Variants in ADPRS observed in about 807,000 individuals in gnomAD.
ADPRS encodes ADP-ribosylhydrolase ARH3.
Under a neutral mutation model 32.1 loss-of-function variants are expected in ADPRS, and 25 were observed. The ratio of observed to expected loss-of-function variants is 0.78; its 90% confidence interval spans 0.57 to 1.09. ADPRS has a LOEUF of 1.09. Among genes scored for constraint, ADPRS ranks in the 50% least tolerant of loss-of-function variants. The pLI, the probability that ADPRS is intolerant of heterozygous loss-of-function variation, is 0.00. For missense variants in ADPRS, 482 were observed against 480.6 expected (o/e 1.00, Z -0.03); for synonymous variants, 225 against 201.0 (o/e 1.12, Z -1.01).
chr1:36,091,936 A>G lies in ADPRS; in HGVS notation c.543A>G (p.Thr181=), dbSNP rs751687994. ...TTGCCCGGCTCTCGGCCCAGCTGAC[A>G]CACGCCTCCTCCCTGGGTTACAATG... ...QKFARLSAQL[T]HASSLGYNGA... is the part of the protein sequence containing the mutation. The change falls in exon 4 of 6, where the codon ACA becomes ACG. Residue 181 remains threonine, a synonymous_variant. Transcript: ENST00000373178. The G allele has an allele frequency of 1.1e-5, 18 of 1,608,312 alleles. No individual in the cohort carries two copies. The highest frequency in any genetic ancestry group is 1.6e-4 in the Middle Eastern group (1 of 6,066).
rs779917237 is a variant in ADPRS at position 36,092,035 on chromosome 1, A to G, written c.642A>G (p.Gln214=). Reference sequence around the variant, plus strand: ...CTTCCAGCGAGCACTTTCTCAAGCAACTCCTGGGCCACATGGAGGATCTGG... The same window carrying G: ...CTTCCAGCGAGCACTTTCTCAAGCAGCTCCTGGGCCACATGGAGGATCTGG... The part of the protein sequence containing the change: ...GESSSEHFLK[Q]LLGHMEDLEG... The change falls in exon 4 of 6, where the codon CAA becomes CAG. Residue 214 remains glutamine, a synonymous_variant. Transcript: ENST00000373178. The G allele has an allele frequency of 1.2e-6, 2 of 1,613,444 alleles. No individual in the cohort carries two copies. The highest frequency in any genetic ancestry group is 1.1e-5 in the South Asian group (1 of 90,998).
chr1:36,093,030 C>A, intron 5 of ADPRS, 67 bp from the exon 6 acceptor site: 1 of 1,539,714 alleles, frequency 6.5e-7, no homozygotes, highest in South Asian at 1.2e-5. Context: ...GCCGAGAGTG[C>A]TGACTTGTGT....
rs1643486015 is a variant in ADPRS, at chr1:36,091,691, C to T, written c.382C>T (p.Leu128=). 1 of 1,613,928 alleles carries T rather than the reference C, an allele frequency of 6.2e-7. No individual in the cohort carries two copies. Among genetic ancestry groups the T allele is most frequent in the Non-Finnish European group, 8.5e-7 (1 of 1,179,946 alleles). ...AGTAGTCACTGTCTTCAAGAAGCTC[C>T]TGAACCCCAAATGTCGCGATGTCTT... ...AGVVTVFKKL[L]NPKCRDVFEP... is the part of the protein sequence containing the mutation. Residue 128 remains leucine, a synonymous_variant, in exon 3 of 6, where the codon CTG becomes TTG. Transcript: ENST00000373178.
chr1:36,091,199 A>C lies in ADPRS; in HGVS notation c.212-45A>C, dbSNP rs1454870266. On this transcript the variant is annotated intron_variant, in intron 1 of 5. Coordinates refer to ENST00000373178, the MANE Select transcript of ADPRS (RefSeq NM_017825.3). ...AAAGCAAAAAACAACAACAAAAAAA[A>C]CAAAGGTGAGCAGGAGGCTCTCATC... The C allele has an allele frequency of 2.6e-6, 4 of 1,560,254 alleles. No homozygotes were observed. In the East Asian group the frequency reaches 9.0e-5, roughly 35 times the overall value.
chr1:36,091,174 A>C, intron 1 of ADPRS, 70 bp from the exon 2 acceptor site: 1 of 1,392,512 alleles, frequency 7.2e-7, no homozygotes, highest in Non-Finnish European at 1.0e-6. Flanking sequence ...GTCTCCAAAA[A>C]AAGCAAAAAA....
In ADPRS at chr1:36,091,262, A is replaced by G. The variant is rs753150747; in HGVS notation, c.230A>G (p.Asp77Gly). 4 of 1,614,090 alleles carry G rather than the reference A, an allele frequency of 2.5e-6. No homozygotes were observed. The highest frequency in any genetic ancestry group is 2.7e-5 in the African/African-American group (2 of 74,950). Residue 77 changes from aspartate (D) to glycine (G), a missense_variant, in exon 2 of 6, where the codon GAT becomes GGT. Asp to Gly is a moderately conservative substitution (Grantham distance 94). Coordinates refer to ENST00000373178, the MANE Select transcript of ADPRS (RefSeq NM_017825.3). ...CCCACAGAAGCCTTGTACTACACAGATGACACAGCCATGGCCAGGGCCCTG... is the reference window on the plus strand; with the variant it reads ...CCCACAGAAGCCTTGTACTACACAGGTGACACAGCCATGGCCAGGGCCCTG... ...SERTEALYYT[D>G]DTAMARALVQ...
chr1:36,090,649 G>C (rs1280881390), intron 1 of ADPRS, among the ~76,000 whole-genome samples: 1 of 128,550 alleles, frequency 7.8e-6, no homozygotes, highest in African/African-American at 3.0e-5. Flanking sequence ...TTTGAGACCA[G>C]CCTGGCAACA....
At chr1:36,089,572 G>T (rs1211640850) in intron 1 of ADPRS, among the ~76,000 whole-genome samples, 1 of 152,060 alleles carries the variant, frequency 6.6e-6, no homozygotes, top group Non-Finnish European at 1.5e-5. Context: ...TCTTTTTCCC[G>T]GTTCTCTAGA....
intron 1 of ADPRS, among the ~76,000 whole-genome samples, chr1:36,090,326 CTG>C (rs1395021869): frequency 2.6e-5 from 4 of 152,078 alleles, no homozygotes; most frequent in African/African-American, 9.7e-5. Flanking sequence ...AACAAAAAGA[CTG>C]GAGCTGCAAG....
rs1275289508 is a variant in ADPRS at position 36,093,492 on chromosome 1, T to C, written c.*106T>C. 6.9e-7 allele frequency: 1 copy of C among 1,444,128 alleles called. No individual in the cohort carries two copies. The highest frequency in any genetic ancestry group is 1.4e-5 in the African/African-American group (1 of 70,382). The allele number at this position is 1,444,128 out of a possible 1,614,324, so 89.5% of individuals were successfully genotyped here. ...GTGTGGCTTCCCACTTTTCCTGCATTGTGGAGCTGACTGAGTACACCGGTG... is the reference window on the plus strand; with the variant it reads ...GTGTGGCTTCCCACTTTTCCTGCATCGTGGAGCTGACTGAGTACACCGGTG... On this transcript the variant is annotated 3_prime_UTR_variant, in exon 6 of 6. Transcript: ENST00000373178.
At position 36,089,040 on chromosome 1, in the gene ADPRS, G is replaced by A. The variant is rs749889837; in HGVS notation, c.136G>A (p.Val46Ile). Residue 46 changes from valine (V) to isoleucine (I), a missense_variant, in exon 1 of 6, where the codon GTC becomes ATC. Coordinates refer to ENST00000373178, the MANE Select transcript of ADPRS (RefSeq NM_017825.3). ...VGSFYEAHDT[V>I]DLTSVLRHVQ... ...CTCCTTCTACGAGGCCCACGACACC[G>A]TCGACCTGACGTCAGTCCTGCGTCA... 5 of 1,474,112 alleles carry A rather than the reference G, an allele frequency of 3.4e-6. No homozygotes were observed. Among genetic ancestry groups the A allele is most frequent in the Non-Finnish European group, 4.5e-6 (5 of 1,116,996 alleles). 91.3% of individuals were successfully genotyped at this position (1,474,112 alleles called of 1,614,324 possible).
chr1:36,092,555 C>T, intron 5 of ADPRS, 33 bp downstream of exon 5: 1 of 1,603,936 alleles, frequency 6.2e-7, no homozygotes, highest in Non-Finnish European at 8.5e-7. Context: ...GTCTCTCCCT[C>T]TGTCGTCCTT....
At chr1:36,090,094 A>G (rs1487478541) in intron 1 of ADPRS, among the ~76,000 whole-genome samples, 2 of 152,322 alleles carry the variant, frequency 1.3e-5, no homozygotes, top group African/African-American at 2.4e-5. Flanking sequence ...AAGAATTTCA[A>G]AATGAAGACA....
chr1:36,091,138 C>T, intron 1 of ADPRS, 106 bp from the exon 2 acceptor site: 2 of 833,638 alleles, frequency 2.4e-6, no homozygotes, highest in Non-Finnish European at 3.9e-6. Flanking sequence ...CAGTGCACTC[C>T]AGTCTGGGCA....
In ADPRS at chr1:36,088,914, G is replaced by A; in HGVS notation, c.10G>A (p.Ala4Thr). 2 of 1,525,634 alleles carry A rather than the reference G, an allele frequency of 1.3e-6. No homozygotes were observed. Among genetic ancestry groups the A allele is most frequent in the South Asian group, 1.2e-5 (1 of 83,504 alleles). 94.5% of individuals were successfully genotyped at this position (1,525,634 alleles called of 1,614,324 possible). A position where few individuals can be genotyped will look rare whatever the true frequency, so the allele number is the denominator to read the frequency against. MAA[A>T]AMAAAAGGGA... ...AGCAGTCTGCGCGCGGATGGCCGCA[G>A]CGGCGATGGCGGCAGCGGCAGGTGG... is the stretch of plus-strand genomic sequence containing the variant. The change falls in exon 1 of 6, where the codon GCG (alanine) becomes ACG (threonine). Residue 4 changes from alanine to threonine, a missense_variant. Coordinates refer to ENST00000373178, the MANE Select transcript of ADPRS (RefSeq NM_017825.3).
intron 1 of ADPRS, among the ~76,000 whole-genome samples, chr1:36,090,858 A>G (rs1040001713): frequency 1.3e-5 from 2 of 151,956 alleles, no homozygotes; most frequent in African/African-American, 2.4e-5. Context: ...CCAAAAAAAT[A>G]ATAATATAAA....
At chr1:36,091,395 C>A in intron 2 of ADPRS, 55 bp downstream of exon 2, 2 of 1,527,406 alleles carry the variant, frequency 1.3e-6, no homozygotes, top group South Asian at 1.1e-5. Flanking sequence ...TATTGCACCC[C>A]TTGACCAGAG....
Position 36,093,861 on chromosome 1 carries a change from G to C in ADPRS, c.*475G>C, listed in dbSNP as rs1643521278. On this transcript the variant is annotated 3_prime_UTR_variant, in exon 6 of 6. Transcript: ENST00000373178. Reference sequence around the variant, plus strand: ...ATCCAGCTGATCTAGGTCACACCTGGCTCTTGGCTGCCATGTGGCTTATTA... The same window carrying C: ...ATCCAGCTGATCTAGGTCACACCTGCCTCTTGGCTGCCATGTGGCTTATTA... The C allele has an allele frequency of 6.3e-6, 1 of 159,698 alleles. No homozygotes were observed. The highest frequency in any genetic ancestry group is 2.4e-5 in the African/African-American group (1 of 41,652). 9.9% of individuals were successfully genotyped at this position (159,698 alleles called of 1,614,324 possible). A position where few individuals can be genotyped will look rare whatever the true frequency, so the allele number is the denominator to read the frequency against.
intron 4 of ADPRS, 100 bp from the exon 5 acceptor site, chr1:36,092,322 C>A: frequency 2.3e-6 from 3 of 1,298,756 alleles, no homozygotes; most frequent in South Asian, 1.4e-5. Flanking sequence ...TGGCTGCCAG[C>A]CTGACCACAT....
Sources: gnomAD v4.1 joint callset for allele counts (sites outside exome capture counted in the v4.1 genomes callset) on GRCh38, gnomAD v4.1.1 for gene constraint, MANE v1.5 for transcripts, NCBI Gene and HGNC (gene_info 2026-07-23, HGNC 2026-07-21) for gene names.